The following GPC5 variants were observed in gnomAD, a reference collection of about 807,000 sequenced individuals.
GPC5 encodes glypican 5, also known as glypican-5.
In GPC5, 47 loss-of-function variants were observed where a neutral mutation model predicts 53.9. That is an observed-to-expected ratio of 0.87 (90% CI 0.69 to 1.11). GPC5 has a LOEUF of 1.11. GPC5 is among the 50% of genes most tolerant of loss of function. GPC5 has a pLI of 0.00. For missense variants in GPC5, 748 were observed against 713.1 expected, an observed-to-expected ratio of 1.05 and a Z score of -0.56; for synonymous variants, 286 against 263.3, an observed-to-expected ratio of 1.09 and a Z score of -0.84.
chr13:91,859,598 T>A (rs1301384386), intron 5 of GPC5, among the ~76,000 whole-genome samples: 1 of 151,946 alleles, frequency 6.6e-6, no homozygotes, highest in African/African-American at 2.4e-5. Context: ...TTATTATCAT[T>A]TAAATATATA....
chr13:91,673,910 C>T (rs779079831), intron 2 of GPC5, among the ~76,000 whole-genome samples: 11 of 152,102 alleles, frequency 7.2e-5, no homozygotes, highest in Non-Finnish European at 1.5e-4. Flanking sequence ...TAAAAGCATT[C>T]GTTTGCATTG....
intron 7 of GPC5, among the ~76,000 whole-genome samples, chr13:92,704,800 C>T (rs915701548): frequency 6.7e-6 from 1 of 148,916 alleles, no homozygotes; most frequent in Non-Finnish European, 1.5e-5. Context: ...TATACATATA[C>T]ACACACACAT....
At chr13:92,166,954 T>A (rs900990329) in intron 7 of GPC5, among the ~76,000 whole-genome samples, 4,003 of 44,074 alleles carry the variant, frequency 0.091, 49 homozygotes, top group South Asian at 0.15. Context: ...TCTCTCTCTC[T>A]CTCACACACA....
At chr13:91,862,018 C>G (rs1047383896) in intron 5 of GPC5, among the ~76,000 whole-genome samples, 1 of 151,836 alleles carries the variant, frequency 6.6e-6, no homozygotes, top group African/African-American at 2.4e-5. Flanking sequence ...ACATCATAAA[C>G]CCCACAATAA....
At chr13:91,917,614 C>A (rs962328912) in intron 6 of GPC5, among the ~76,000 whole-genome samples, 1 of 152,194 alleles carries the variant, frequency 6.6e-6, no homozygotes, top group South Asian at 2.1e-4. Flanking sequence ...GAATGCTTTG[C>A]CAATTAGCAA....
At chr13:92,226,939 A>C (rs1275555116) in intron 7 of GPC5, among the ~76,000 whole-genome samples, 1 of 152,148 alleles carries the variant, frequency 6.6e-6, no homozygotes, top group Non-Finnish European at 1.5e-5. Context: ...CCGTATGCTC[A>C]ACTAGAAGAC....
intron 6 of GPC5, among the ~76,000 whole-genome samples, chr13:92,014,720 T>C (rs746177875): frequency 6.6e-6 from 1 of 152,206 alleles, no homozygotes; most frequent in Non-Finnish European, 1.5e-5. Flanking sequence ...TATTCTAGTA[T>C]AATATATACA....
At chr13:92,087,467 C>T (rs1304613858) in intron 6 of GPC5, among the ~76,000 whole-genome samples, 2 of 152,088 alleles carry the variant, frequency 1.3e-5, no homozygotes, top group African/African-American at 4.8e-5. Context: ...CAAATAAATG[C>T]CAATTTCAAA....
At chr13:91,685,211 G>T (rs541124624) in intron 2 of GPC5, among the ~76,000 whole-genome samples, 55 of 152,214 alleles carry the variant, frequency 3.6e-4, no homozygotes, top group Admixed American at 1.0e-3. Flanking sequence ...AGGCTGAAGT[G>T]GGGGAGTCTC....
chr13:91,402,327 T>C (rs913060227), intron 1 of GPC5, among the ~76,000 whole-genome samples: 2 of 152,212 alleles, frequency 1.3e-5, no homozygotes, highest in Non-Finnish European at 2.9e-5. Context: ...ACTCTTGACA[T>C]GGCTAAGTGA....
chr13:92,777,594 G>A (rs1875865695), intron 7 of GPC5, among the ~76,000 whole-genome samples: 1 of 152,166 alleles, frequency 6.6e-6, no homozygotes. Flanking sequence ...ACTCCAGCCT[G>A]GCAATAGAGC....
At chr13:92,590,568 A>T (rs77639423) in intron 7 of GPC5, among the ~76,000 whole-genome samples, 1 of 152,190 alleles carries the variant, frequency 6.6e-6, no homozygotes, top group African/African-American at 2.4e-5. Context: ...GACAGTTGAC[A>T]CTTCACTCAA....
At chr13:91,975,912 A>G (rs944688515) in intron 6 of GPC5, among the ~76,000 whole-genome samples, 1 of 152,226 alleles carries the variant, frequency 6.6e-6, no homozygotes. Context: ...AAAATGTGGC[A>G]CATATACACC....
At chr13:92,849,599 T>G (rs1393674148) in intron 7 of GPC5, among the ~76,000 whole-genome samples, 1 of 152,214 alleles carries the variant, frequency 6.6e-6, no homozygotes, top group African/African-American at 2.4e-5. Flanking sequence ...CATATGAGTG[T>G]TCACATTATA....
In GPC5 at chr13:91,839,066, G is replaced by A. The variant is rs149688500; in HGVS notation, c.1281-68871G>A. 5.4e-3 allele frequency among the ~76,000 whole-genome samples: 825 copies of A among 152,234 alleles called. 4 individuals carry two copies. Among genetic ancestry groups the A allele is most frequent in the Middle Eastern group, 0.014 (4 of 294 alleles). ...TTTTCTTCCTCAACAGCATGTAGTA[G>A]TCATTCCAGTGAGCTAATGTGTAAA... On this transcript the variant is annotated intron_variant, in intron 5 of 7. Transcript: ENST00000377067.
intron 6 of GPC5, among the ~76,000 whole-genome samples, chr13:92,066,441 A>T (rs2041168152): frequency 6.6e-6 from 1 of 151,440 alleles, no homozygotes; most frequent in African/African-American, 2.4e-5. Context: ...CTGAAAAAAA[A>T]AAAAAGAAAA....
At chr13:92,522,786 A>T (rs1427023079) in intron 7 of GPC5, among the ~76,000 whole-genome samples, 1 of 152,166 alleles carries the variant, frequency 6.6e-6, no homozygotes, top group Non-Finnish European at 1.5e-5. Context: ...GTTGAAAATA[A>T]AAAGAAAATA....
At chr13:92,683,600 A>T (rs1887169382) in intron 7 of GPC5, among the ~76,000 whole-genome samples, 1 of 152,094 alleles carries the variant, frequency 6.6e-6, no homozygotes, top group Non-Finnish European at 1.5e-5. Context: ...TATATGAAAA[A>T]TTTACTTTTT....
chr13:91,841,347 C>G (rs1216488242), intron 5 of GPC5, among the ~76,000 whole-genome samples: 2 of 149,386 alleles, frequency 1.3e-5, no homozygotes, highest in Non-Finnish European at 3.0e-5. Context: ...AGAAAGAGAC[C>G]TGCAACATCA....
Sources: gnomAD v4.1 joint callset for allele counts (sites outside exome capture counted in the v4.1 genomes callset) on GRCh38, gnomAD v4.1.1 for gene constraint, MANE v1.5 for transcripts, NCBI Gene and HGNC (gene_info 2026-07-23, HGNC 2026-07-21) for gene names.